The following DTHD1 variants were observed in gnomAD, a reference collection of about 807,000 sequenced individuals.
DTHD1 encodes the protein death domain-containing protein 1.
DTHD1 carries 59 observed loss-of-function variants against 74.8 expected under a neutral mutation model. The observed-to-expected ratio is 0.79, with a 90% CI of 0.64 to 0.98. The LOEUF is 0.98. DTHD1 is among the 50% of genes least tolerant of loss of function. DTHD1 has a pLI of 0.00. For synonymous variants in DTHD1, 365 were observed against 371.1 expected, an observed-to-expected ratio of 0.98 and a Z score of 0.19; for missense variants, 1,051 against 1,065.4, an observed-to-expected ratio of 0.99 and a Z score of 0.19.
At chr4:36,329,376 T>C (rs941126554) in intron 8 of DTHD1, among the ~76,000 whole-genome samples, 1 of 151,586 alleles carries the variant, frequency 6.6e-6, no homozygotes, top group African/African-American at 2.4e-5. Flanking sequence ...CTGAATAGTT[T>C]AGTGTTTTTC....
chr4:36,283,783 G>A (rs751463782), intron 1 of DTHD1, 193 bp from the exon 2 acceptor site: 63 of 568,128 alleles, frequency 1.1e-4, no homozygotes, highest in Non-Finnish European at 1.4e-4. Flanking sequence ...ATGGTTTGTT[G>A]TCAATCCTAC....
intron 2 of DTHD1, among the ~76,000 whole-genome samples, chr4:36,290,113 A>G (rs901338139): frequency 6.6e-6 from 1 of 152,200 alleles, no homozygotes; most frequent in Non-Finnish European, 1.5e-5. Flanking sequence ...TGTACCAGAC[A>G]TAGCTCTAAT....
At chr4:36,332,825 T>C (rs1369490313) in intron 8 of DTHD1, 1 of 152,204 alleles carries the variant, frequency 6.6e-6, no homozygotes, top group Non-Finnish European at 1.5e-5. Context: ...TTTTCTTTTT[T>C]TTTAATGAAA....
At position 36,343,699 on chromosome 4, in the gene DTHD1, C is replaced by T; in HGVS notation, c.2596C>T (p.Leu866Phe). 6.4e-7 allele frequency: 1 copy of T among 1,551,736 alleles called. No individual in the cohort carries two copies. The highest frequency in any genetic ancestry group is 8.7e-7 in the Non-Finnish European group (1 of 1,146,958). ...KKSLPTFTDK[L>F]RLLARHLRKI... Reference sequence around the variant, plus strand: ...ATCGCTTCCAACTTTCACCGACAAACTTCGCCTCCTGGCTCGACATCTCCG... The same window carrying T: ...ATCGCTTCCAACTTTCACCGACAAATTTCGCCTCCTGGCTCGACATCTCCG... The change falls in exon 10 of 10, where the codon CTT becomes TTT. Residue 866 changes from leucine to phenylalanine, a missense_variant. Leu to Phe is a conservative substitution (Grantham distance 22, BLOSUM62 0). Coordinates refer to ENST00000639862, the MANE Select transcript of DTHD1 (RefSeq NM_001170700.3).
Position 36,281,676 on chromosome 4 carries a change from A to G in DTHD1, c.-83A>G, listed in dbSNP as rs1019944479. Reference sequence around the variant, plus strand: ...CTCGGATCATCTCCTAGAGTTTAGGAGAAATAACAATCACAAAGTTTGAAT... The same window carrying G: ...CTCGGATCATCTCCTAGAGTTTAGGGGAAATAACAATCACAAAGTTTGAAT... On this transcript the variant is annotated 5_prime_UTR_variant, in exon 1 of 10. Transcript: ENST00000639862. The G allele has an allele frequency of 2.4e-6, 3 of 1,235,004 alleles. No individual in the cohort carries two copies. The Admixed American group carries it at 1.3e-4, about 52-fold the overall frequency. The allele number at this position is 1,235,004 out of a possible 1,614,324, so 76.5% of individuals were successfully genotyped here.
intron 5 of DTHD1, among the ~76,000 whole-genome samples, chr4:36,299,340 C>T (rs1039373869): frequency 1.3e-5 from 2 of 152,134 alleles, no homozygotes; most frequent in Non-Finnish European, 2.9e-5. Context: ...TTTTCCACTT[C>T]TTTGGAGATA....
chr4:36,321,002 T>C (rs1431036144), intron 8 of DTHD1, among the ~76,000 whole-genome samples: 2 of 152,252 alleles, frequency 1.3e-5, no homozygotes, highest in African/African-American at 4.8e-5. Context: ...ATACTGTGTC[T>C]GATTCATAAA....
At chr4:36,318,427 C>G (rs1309618801) in intron 8 of DTHD1, among the ~76,000 whole-genome samples, 1 of 152,122 alleles carries the variant, frequency 6.6e-6, no homozygotes, top group East Asian at 1.9e-4. Context: ...TACAGAGGAA[C>G]AGTCTCCTGG....
In DTHD1 at chr4:36,308,250, G is replaced by A. The variant is rs748178118; in HGVS notation, c.1852G>A (p.Val618Ile). Reference sequence around the variant, plus strand: ...TTCCACCATGGACAATAGTCATTTGGTTACTTTTGTGAAATCTTTAGAGGA... The same window carrying A: ...TTCCACCATGGACAATAGTCATTTGATTACTTTTGTGAAATCTTTAGAGGA... ...LSSTMDNSHLVTFVKSLEEAM... is the reference protein window; with the variant it reads ...LSSTMDNSHLITFVKSLEEAM... Residue 618 changes from valine to isoleucine, a missense_variant, in exon 7 of 10, where the codon GTT becomes ATT. Val to Ile is a conservative substitution (Grantham distance 29, BLOSUM62 3). Transcript: ENST00000639862. 1.9e-6 allele frequency: 3 copies of A among 1,552,250 alleles called. No individual in the cohort carries two copies. The South Asian group carries it at 3.6e-5, about 18-fold the overall frequency.
chr4:36,311,170 C>G (rs1434817815), intron 7 of DTHD1: 1 of 152,234 alleles, frequency 6.6e-6, no homozygotes, highest in Non-Finnish European at 1.5e-5. Flanking sequence ...AGGCAGCCGT[C>G]ACCTGTGCAA....
At chr4:36,284,641 T>A in intron 2 of DTHD1, 50 bp downstream of exon 2, 1 of 1,336,536 alleles carries the variant, frequency 7.5e-7, no homozygotes. Flanking sequence ...CTTATATGTG[T>A]GTTTCTATAG....
chr4:36,321,115 C>A (rs1758013231), intron 8 of DTHD1, among the ~76,000 whole-genome samples: 1 of 152,196 alleles, frequency 6.6e-6, no homozygotes, highest in African/African-American at 2.4e-5. Context: ...ATTAATTCAA[C>A]AAACAGTGTA....
At chr4:36,336,299 TAAGA>T (rs1759005545) in intron 8 of DTHD1, among the ~76,000 whole-genome samples, 1 of 152,292 alleles carries the variant, frequency 6.6e-6, no homozygotes, top group East Asian at 1.9e-4. Flanking sequence ...TTGAGAGGAA[TAAGA>T]AATATTACTT....
chr4:36,293,763 T>C (rs902856619), intron 4 of DTHD1, 58 bp downstream of exon 4: 14 of 1,389,936 alleles, frequency 1.0e-5, no homozygotes, highest in Middle Eastern at 1.9e-4. Context: ...TCATCAAGCA[T>C]GGTTCTAAAC....
intron 3 of DTHD1, among the ~76,000 whole-genome samples, chr4:36,290,921 A>G (rs1202605208): frequency 2.0e-5 from 3 of 152,214 alleles, no homozygotes; most frequent in Non-Finnish European, 2.9e-5. Flanking sequence ...TGGGTCGAAC[A>G]CCTACCAAAT....
chr4:36,308,718 CT>C (rs1757206921), intron 7 of DTHD1, among the ~76,000 whole-genome samples: 1 of 152,126 alleles, frequency 6.6e-6, no homozygotes, highest in Admixed American at 6.5e-5. Flanking sequence ...CTAAGTGACA[CT>C]TTTTAGAAAT....
At chr4:36,292,459 C>T (rs894029101) in intron 3 of DTHD1, among the ~76,000 whole-genome samples, 1 of 152,310 alleles carries the variant, frequency 6.6e-6, no homozygotes, top group East Asian at 1.9e-4. Flanking sequence ...GATCGTATGA[C>T]ATTATAAAAT....
chr4:36,344,150 T>G lies in DTHD1; in HGVS notation c.*326T>G, dbSNP rs550002099. The G allele has an allele frequency of 5.5e-5, 12 of 219,882 alleles. No individual in the cohort carries two copies. The South Asian group carries it at 9.9e-4, about 18-fold the overall frequency. The allele number at this position is 219,882 out of a possible 1,614,324, so 13.6% of individuals were successfully genotyped here. On this transcript the variant is annotated 3_prime_UTR_variant, in exon 10 of 10. Transcript: ENST00000639862. Reference sequence around the variant, plus strand: ...TGAAGAAAAGATCTGATATATGTAATTACTTATTAATTGGTATCTACATAA... The same window carrying G: ...TGAAGAAAAGATCTGATATATGTAAGTACTTATTAATTGGTATCTACATAA...
chr4:36,338,494 C>T (rs897945826), intron 8 of DTHD1, among the ~76,000 whole-genome samples: 4 of 151,602 alleles, frequency 2.6e-5, no homozygotes, highest in African/African-American at 9.7e-5. Flanking sequence ...AATAAATTCT[C>T]CAAAGTGCAA....
Sources: allele counts gnomAD v4.1 joint callset (sites outside exome capture counted in the v4.1 genomes callset), GRCh38; gene constraint gnomAD v4.1.1; transcripts MANE v1.5; gene names NCBI Gene and HGNC (gene_info 2026-07-23, HGNC 2026-07-21).